Variants in EPB41L3 observed in about 807,000 individuals in gnomAD.
EPB41L3 encodes erythrocyte membrane protein band 4.1 like 3, also known as band 4.1-like protein 3.
A neutral mutation model predicts 127.1 loss-of-function variants in EPB41L3; 57 were observed. That is an observed-to-expected ratio of 0.45 (90% confidence interval 0.36 to 0.56). The LOEUF (loss-of-function observed/expected upper bound fraction) is 0.56, where lower values mean the gene tolerates loss of function less well. Ranked by LOEUF, EPB41L3 falls within the 20% of genes least tolerant of loss-of-function variation. The pLI, the probability that EPB41L3 is intolerant of heterozygous loss-of-function variation, is 0.00. For synonymous variants in EPB41L3, 572 were observed against 549.5 expected, an observed-to-expected ratio of 1.04 and a Z score of -0.57; for missense variants, 1,273 against 1,372.2, an observed-to-expected ratio of 0.93 and a Z score of 1.14.
intron 3 of EPB41L3, among the ~76,000 whole-genome samples, chr18:5,473,168 G>A (rs945995720): frequency 3.3e-5 from 5 of 152,042 alleles, no homozygotes; most frequent in African/African-American, 4.8e-5. Flanking sequence ...TCTCCAGTGT[G>A]GCCCATTCGC....
At position 5,419,874 on chromosome 18, in the gene EPB41L3, A is replaced by G. The variant is rs2077260040; in HGVS notation, c.1343T>C (p.Val448Ala). 2 of 1,614,046 alleles carry G rather than the reference A, an allele frequency of 1.2e-6. No individual in the cohort carries two copies. Among genetic ancestry groups the G allele is most frequent in the Admixed American group, 1.7e-5 (1 of 59,996 alleles). Residue 448 changes from valine (V) to alanine (A), a missense_variant, in exon 12 of 23, where the codon GTT (valine) becomes GCT (alanine). Val to Ala is a moderately conservative substitution (Grantham distance 64). This residue lies in a region of EPB41L3 where 326 missense variants were observed against 440.2 expected (regional missense o/e 0.74). Transcript: ENST00000341928. Reference protein sequence around the residue: ...YTMSRSLDGEVGTGQYATTKG... With the variant: ...YTMSRSLDGEAGTGQYATTKG... ...TGTTGTGGCGTACTGGCCAGTACCA[A>G]CCTCTGCAGCAGACATAGAATCCTT... is the stretch of plus-strand genomic sequence containing the variant.
At chr18:5,591,515 G>T (rs574857362) in intron 3 of EPB41L3, among the ~76,000 whole-genome samples, 34 of 152,222 alleles carry the variant, frequency 2.2e-4, no homozygotes, top group Admixed American at 2.2e-3. Context: ...CTCGTAAAAG[G>T]TCCCATCTTC....
chr18:5,535,237 T>C (rs2093536226), intron 1 of EPB41L3, among the ~76,000 whole-genome samples: 1 of 151,868 alleles, frequency 6.6e-6, no homozygotes, highest in Non-Finnish European at 1.5e-5. Flanking sequence ...CCAACCTCTG[T>C]GCCAAGGACA....
chr18:5,483,189 T>A (rs1313931737), intron 2 of EPB41L3, among the ~76,000 whole-genome samples: 9 of 152,146 alleles, frequency 5.9e-5, no homozygotes, highest in African/African-American at 2.2e-4. Context: ...TGTGTGTATG[T>A]GCGTGCATGT....
chr18:5,561,127 G>A lies in EPB41L3; in HGVS notation c.-306+51213C>T, dbSNP rs866748240. ...CGAGTAGCTGGGACTACAGGCGCCC[G>A]CCACTACGCCCGGCTAATGTCTTGT... On this transcript the variant is annotated intron_variant, in intron 3 of 21. Transcript: ENST00000545076. Among the ~76,000 whole-genome samples, 97 of 150,026 alleles carry A rather than the reference G, an allele frequency of 6.5e-4. 5 individuals are homozygous for A. Among genetic ancestry groups the A allele is most frequent in the Middle Eastern group, 3.4e-3 (1 of 292 alleles).
At chr18:5,512,727 G>A (rs948865051) in intron 1 of EPB41L3, among the ~76,000 whole-genome samples, 2 of 152,124 alleles carry the variant, frequency 1.3e-5, no homozygotes, top group Non-Finnish European at 1.5e-5. Flanking sequence ...GTTTTGGAAG[G>A]CAGGGAGGAT....
intron 1 of EPB41L3, among the ~76,000 whole-genome samples, chr18:5,496,027 A>G (rs2091141009): frequency 6.6e-6 from 1 of 152,232 alleles, no homozygotes; most frequent in Non-Finnish European, 1.5e-5. Context: ...TGAAGGCTTC[A>G]TTAACTATTT....
chr18:5,540,649 A>T, intron 1 of EPB41L3: 1 of 618,030 alleles, frequency 1.6e-6, no homozygotes, highest in Non-Finnish European at 2.0e-6. Context: ...CGATTGCACG[A>T]TTAAGGATCT....
At chr18:5,444,468 T>G (rs1468963575) in intron 4 of EPB41L3, among the ~76,000 whole-genome samples, 3 of 152,216 alleles carry the variant, frequency 2.0e-5, no homozygotes, top group Non-Finnish European at 4.4e-5. Flanking sequence ...GAGCAAAATT[T>G]CTGACTCAGC....
intron 2 of EPB41L3, chr18:5,480,912 G>A (rs2088352183): frequency 1.3e-5 from 2 of 152,076 alleles, no homozygotes; most frequent in Non-Finnish European, 2.9e-5. Context: ...GAGGAAAGAA[G>A]GAAGAAAAAG....
chr18:5,420,086 T>C, intron 11 of EPB41L3: 1 of 1,002,790 alleles, frequency 1.0e-6, no homozygotes, highest in South Asian at 1.7e-5. Flanking sequence ...GGGACCTTCA[T>C]GAGAGCATGA....
chr18:5,543,785 G>T lies in EPB41L3; in HGVS notation c.-12+128C>A. On this transcript the variant is annotated intron_variant, in intron 1 of 22. Coordinates refer to ENST00000341928, the MANE Select transcript of EPB41L3 (RefSeq NM_012307.5). The surrounding 1 kb of genome is among the most constrained non-coding windows in gnomAD (Gnocchi z 5.2). ...CGGGGCTCGGGATTCGGGAGACCGC[G>T]CGGCGCCGAAGCCACGCGTCAGCCC... 2 of 750,064 alleles carry T rather than the reference G, an allele frequency of 2.7e-6. No individual in the cohort carries two copies. The highest frequency in any genetic ancestry group is 3.2e-6 in the Non-Finnish European group (2 of 615,732). 46.5% of individuals were successfully genotyped at this position (750,064 alleles called of 1,614,324 possible). A position where few individuals can be genotyped will look rare whatever the true frequency, so the allele number is the denominator to read the frequency against.
intron 1 of EPB41L3, among the ~76,000 whole-genome samples, chr18:5,496,225 A>T (rs1263476665): frequency 6.6e-6 from 1 of 152,236 alleles, no homozygotes; most frequent in Non-Finnish European, 1.5e-5. Context: ...AGTTTAGAAT[A>T]TATAGAGAGA....
intron 3 of EPB41L3, among the ~76,000 whole-genome samples, chr18:5,468,134 G>A (rs1338222440): frequency 2.0e-5 from 3 of 152,260 alleles, no homozygotes; most frequent in Admixed American, 6.5e-5. Context: ...CTGCTGCCTC[G>A]GACCCCTCCA....
At chr18:5,472,597 T>C (rs1054362642) in intron 3 of EPB41L3, among the ~76,000 whole-genome samples, 1 of 152,248 alleles carries the variant, frequency 6.6e-6, no homozygotes, top group African/African-American at 2.4e-5. Context: ...CTTATTTTTA[T>C]GGTTTACAAT....
intron 2 of EPB41L3, chr18:5,614,237 C>T (rs2094764930): frequency 6.6e-6 from 1 of 152,216 alleles, no homozygotes; most frequent in South Asian, 2.1e-4. Flanking sequence ...GTTCACCTTA[C>T]TTTTCCACCA....
At chr18:5,545,342 G>C (rs2093858991), upstream of EPB41L3, among the ~76,000 whole-genome samples, 1 of 152,164 alleles carries the variant, frequency 6.6e-6, no homozygotes, top group South Asian at 2.1e-4. Context: ...ACAAGATACA[G>C]AACACGTGCC....
In EPB41L3 at chr18:5,589,742, T is replaced by C. The variant is rs115395017; in HGVS notation, c.-306+22598A>G. On this transcript the variant is annotated intron_variant, in intron 3 of 21. Coordinates refer to the EPB41L3 transcript ENST00000545076. Reference sequence around the variant, plus strand: ...AGTTACGCCAGTCCTCATAATTTTATGCACACTTTTTTGGGGTCTGCTGCT... The same window carrying C: ...AGTTACGCCAGTCCTCATAATTTTACGCACACTTTTTTGGGGTCTGCTGCT... Among the ~76,000 whole-genome samples, 1,263 of 152,374 alleles carry C rather than the reference T, an allele frequency of 8.3e-3. 24 individuals are homozygous for C. The highest frequency in any genetic ancestry group is 0.028 in the African/African-American group (1,164 of 41,588).
chr18:5,576,850 AAG>A (rs2094340950), intron 3 of EPB41L3, among the ~76,000 whole-genome samples: 1 of 152,246 alleles, frequency 6.6e-6, no homozygotes, highest in African/African-American at 2.4e-5. Context: ...GTGGATTGCA[AAG>A]TCTAAGCATA....
Sources: gnomAD v4.1 joint callset for allele counts (sites outside exome capture counted in the v4.1 genomes callset) on GRCh38, gnomAD v4.1.1 for gene constraint, gnomAD v4.1.1 regional missense constraint, Gnocchi (gnomAD v3.1) non-coding constraint, MANE v1.5 for transcripts, NCBI Gene and HGNC (gene_info 2026-07-23, HGNC 2026-07-21) for gene names.